DLG2: variants seen among roughly 807,000 people sequenced by gnomAD.
DLG2 encodes discs large MAGUK scaffold protein 2.
In DLG2, 45 loss-of-function variants were observed where a neutral mutation model predicts 132.5. The observed-to-expected ratio is 0.34, with a 90% CI of 0.27 to 0.44. The LOEUF is 0.44. DLG2 is among the 20% of genes least tolerant of loss of function. The probability of loss-of-function intolerance (pLI) is 1.00; values close to 1 mark genes in which losing one functional copy is unlikely to be tolerated. For missense variants in DLG2, 1,045 were observed against 1,196.9 expected, an observed-to-expected ratio of 0.87 and a Z score of 1.87; for synonymous variants, 424 against 419.6, an observed-to-expected ratio of 1.01 and a Z score of -0.13.
intron 6 of DLG2, among the ~76,000 whole-genome samples, chr11:84,843,152 T>G (rs1218102830): frequency 6.6e-6 from 1 of 151,992 alleles, no homozygotes; most frequent in Non-Finnish European, 1.5e-5. Context: ...AGTGCAAAAC[T>G]TTTGGAAGTA....
intron 7 of DLG2, among the ~76,000 whole-genome samples, chr11:84,365,121 G>A (rs2098673983): frequency 6.6e-6 from 1 of 152,006 alleles, no homozygotes; most frequent in Admixed American, 6.6e-5. Context: ...GGTAGAATTC[G>A]GCTGTGAATC....
intron 3 of DLG2, among the ~76,000 whole-genome samples, chr11:85,475,010 A>G (rs1345080860): frequency 6.6e-6 from 1 of 151,410 alleles, no homozygotes; most frequent in African/African-American, 2.4e-5. Flanking sequence ...AGAAAATAAT[A>G]AAATTTCTAA....
At chr11:83,850,157 T>TGTGTGTGTGTGTGTGG (rs1161184342) in intron 16 of DLG2, among the ~76,000 whole-genome samples, 1 of 124,420 alleles carries the variant, frequency 8.0e-6, no homozygotes, top group African/African-American at 4.5e-5. Context: ...TGTGTGTGTG[T>TGTGTGTGTGTGTGTGG]GTGTTTTTTT....
At chr11:84,642,438 C>A (rs61899004) in intron 6 of DLG2, among the ~76,000 whole-genome samples, 3 of 151,618 alleles carry the variant, frequency 2.0e-5, no homozygotes, top group Non-Finnish European at 4.4e-5. Flanking sequence ...TTTAAAGTGA[C>A]GGAAAGAGAT....
chr11:85,499,639 C>CA lies in DLG2; in HGVS notation c.40+99017dup, dbSNP rs912944820. Among the ~76,000 whole-genome samples the CA allele has an allele frequency of 1.8e-3, 277 of 151,726 alleles. 1 individual carries two copies. Among genetic ancestry groups the CA allele is most frequent in the African/African-American group, 6.4e-3 (266 of 41,402 alleles). ...ATACCAAAGCCTGGCAGAGACACAACAAAAAAAAGATAATTTTAGACCAAT... is the reference window on the plus strand; with the variant it reads ...ATACCAAAGCCTGGCAGAGACACAACAAAAAAAAAGATAATTTTAGACCAAT... On this transcript the variant is annotated intron_variant, in intron 3 of 27. Transcript: ENST00000376104.
chr11:84,342,007 T>C (rs564839794), intron 7 of DLG2, among the ~76,000 whole-genome samples: 22 of 152,306 alleles, frequency 1.4e-4, no homozygotes, highest in African/African-American at 5.1e-4. Flanking sequence ...TTAGTTCATA[T>C]CCATTCTACC....
chr11:85,223,484 T>C (rs1205259698), intron 4 of DLG2, among the ~76,000 whole-genome samples: 1 of 151,630 alleles, frequency 6.6e-6, no homozygotes, highest in Non-Finnish European at 1.5e-5. Flanking sequence ...AAAAAATTTA[T>C]ATATATATAG....
chr11:85,430,848 CAAAAAAA>C (rs34643624), intron 3 of DLG2, among the ~76,000 whole-genome samples: 2 of 131,100 alleles, frequency 1.5e-5, no homozygotes, highest in Non-Finnish European at 3.2e-5. Context: ...GCTAGCCAGT[CAAAAAAA>C]AAAAAAAAAA....
At chr11:83,537,834 A>AAAAG (rs2095932674) in intron 20 of DLG2, among the ~76,000 whole-genome samples, 1 of 110,744 alleles carries the variant, frequency 9.0e-6, no homozygotes, top group Non-Finnish European at 1.7e-5. Context: ...AAAAAAAAAA[A>AAAAG]AGAGAGAGAG....
At chr11:85,208,176 A>C (rs2082027980) in intron 4 of DLG2, among the ~76,000 whole-genome samples, 1 of 152,180 alleles carries the variant, frequency 6.6e-6, no homozygotes, top group African/African-American at 2.4e-5. Flanking sequence ...TAAGTAACCT[A>C]CTGAAGATCA....
intron 9 of DLG2, among the ~76,000 whole-genome samples, chr11:84,130,942 T>C (rs1012787696): frequency 1.3e-5 from 2 of 151,104 alleles, no homozygotes; most frequent in Non-Finnish European, 3.0e-5. Context: ...GGCAAACATA[T>C]TACAAAACAT....
intron 21 of DLG2, among the ~76,000 whole-genome samples, chr11:83,518,530 G>A (rs909348012): frequency 6.6e-6 from 1 of 152,124 alleles, no homozygotes; most frequent in African/African-American, 2.4e-5. Flanking sequence ...CTCATGCTCG[G>A]TGCACTGCAC....
intron 7 of DLG2, among the ~76,000 whole-genome samples, chr11:84,364,202 G>C (rs961578073): frequency 6.6e-5 from 10 of 151,788 alleles, no homozygotes; most frequent in Non-Finnish European, 1.2e-4. Context: ...GTGGTTTGTA[G>C]TTCTCCTTGA....
At chr11:84,659,380 C>T (rs1051920669) in intron 6 of DLG2, among the ~76,000 whole-genome samples, 26 of 152,198 alleles carry the variant, frequency 1.7e-4, no homozygotes, top group African/African-American at 5.3e-4. Context: ...TCAGTTTGCT[C>T]TAGGTCTAGA....
chr11:84,295,916 T>C (rs940345657), intron 7 of DLG2, among the ~76,000 whole-genome samples: 8 of 152,216 alleles, frequency 5.3e-5, no homozygotes, highest in Non-Finnish European at 1.2e-4. Flanking sequence ...GCAACTATAA[T>C]GGTATTCTAT....
At chr11:85,444,322 C>T (rs927906820) in intron 3 of DLG2, among the ~76,000 whole-genome samples, 7 of 152,126 alleles carry the variant, frequency 4.6e-5, no homozygotes, top group South Asian at 2.1e-4. Flanking sequence ...TCCTTGACCA[C>T]GACATTTGCA....
chr11:84,687,942 G>A (rs2099739546), intron 6 of DLG2, among the ~76,000 whole-genome samples: 1 of 152,200 alleles, frequency 6.6e-6, no homozygotes, highest in African/African-American at 2.4e-5. Context: ...GGGTTCCACA[G>A]TACTGCATTT....
intron 11 of DLG2, among the ~76,000 whole-genome samples, chr11:84,018,246 T>C (rs2095278269): frequency 6.6e-6 from 1 of 151,994 alleles, no homozygotes; most frequent in Middle Eastern, 3.2e-3. Flanking sequence ...CCTTAATCCA[T>C]TTTTTGTTCA....
chr11:83,536,773 T>C (rs926022897), intron 20 of DLG2, among the ~76,000 whole-genome samples: 2 of 152,164 alleles, frequency 1.3e-5, no homozygotes, highest in African/African-American at 4.8e-5. Context: ...AGGGGGCTAC[T>C]AGTTCTTTAC....
Sources: gnomAD v4.1 joint callset for allele counts (sites outside exome capture counted in the v4.1 genomes callset) on GRCh38, gnomAD v4.1.1 for gene constraint, MANE v1.5 for transcripts, NCBI Gene and HGNC (gene_info 2026-07-23, HGNC 2026-07-21) for gene names.